The following LAYN variants were observed in gnomAD, a reference collection of about 807,000 sequenced individuals.
The protein encoded by LAYN is layilin.
In LAYN, 38 loss-of-function variants were observed where a neutral mutation model predicts 43.6. The ratio of observed to expected loss-of-function variants is 0.87; its 90% confidence interval spans 0.67 to 1.14. The LOEUF (loss-of-function observed/expected upper bound fraction) is 1.14, where lower values mean the gene tolerates loss of function less well. Ranked by LOEUF, LAYN falls within the 50% of genes most tolerant of loss-of-function variation. The pLI is 0.00. For missense variants in LAYN, 479 were observed against 463.8 expected, an observed-to-expected ratio of 1.03 and a Z score of -0.30; for synonymous variants, 168 against 172.9, an observed-to-expected ratio of 0.97 and a Z score of 0.22.
rs754804458 is a variant in LAYN at position 111,560,150 on chromosome 11, C to T, written c.817C>T (p.Pro273Ser). The change falls in exon 7 of 7, where the codon CCT (proline) becomes TCT (serine). Residue 273 changes from proline to serine, a missense_variant. By Grantham distance (74) the Pro-to-Ser change is moderately conservative. Coordinates refer to ENST00000375614, the MANE Select transcript of LAYN (RefSeq NM_178834.5). ...GAAGCAACACACCATCTGGCCCTCTCCTCACCAGGGAAACAGCCCGGACCT... is the reference window on the plus strand; with the variant it reads ...GAAGCAACACACCATCTGGCCCTCTTCTCACCAGGGAAACAGCCCGGACCT... ...TKKQHTIWPS[P>S]HQGNSPDLEV... 1 of 1,614,208 alleles carries T rather than the reference C, an allele frequency of 6.2e-7. No individual in the cohort carries two copies. Among genetic ancestry groups the T allele is most frequent in the South Asian group, 1.1e-5 (1 of 91,076 alleles).
Position 111,561,334 on chromosome 11 carries a change from TGGG to T in LAYN, c.*877_*879del, listed in dbSNP as rs1402134884. The T allele has an allele frequency of 6.6e-6, 1 of 152,252 alleles. No individual in the cohort carries two copies. Among genetic ancestry groups the T allele is most frequent in the Non-Finnish European group, 1.5e-5 (1 of 68,040 alleles). The allele number at this position is 152,252 out of a possible 1,614,324, so 9.4% of individuals were successfully genotyped here. A position where few individuals can be genotyped will look rare whatever the true frequency, so the allele number is the denominator to read the frequency against. On this transcript the variant is annotated 3_prime_UTR_variant, in exon 7 of 7. Coordinates refer to ENST00000375614, the MANE Select transcript of LAYN (RefSeq NM_178834.5). ...AGGATCACGCCACTGCTCTCCTGCG[TGGG>T]CAACAGAATGAGACCCTGTCTCTAA...
chr11:111,547,226 C>G (rs143474036), intron 2 of LAYN, among the ~76,000 whole-genome samples: 20 of 152,322 alleles, frequency 1.3e-4, no homozygotes, highest in Non-Finnish European at 2.5e-4. Context: ...CTGGTATTCC[C>G]TAGATCACTA....
intron 2 of LAYN, 106 bp downstream of exon 2, chr11:111,544,326 C>G: frequency 1.8e-6 from 2 of 1,115,118 alleles, no homozygotes; most frequent in Non-Finnish European, 2.5e-6. Flanking sequence ...ACCAACCAGG[C>G]AGATCTCTGA....
intron 2 of LAYN, among the ~76,000 whole-genome samples, chr11:111,546,059 T>C (rs1239025073): frequency 6.6e-6 from 1 of 152,006 alleles, no homozygotes; most frequent in Non-Finnish European, 1.5e-5. Flanking sequence ...TCTCTGCCAC[T>C]ACCTATTAGT....
intron 6 of LAYN, among the ~76,000 whole-genome samples, chr11:111,558,854 C>T (rs1304426709): frequency 1.3e-5 from 2 of 151,384 alleles, no homozygotes; most frequent in Admixed American, 6.6e-5. Context: ...ATGGCGCAAT[C>T]TCGGCTCACT....
intron 3 of LAYN, among the ~76,000 whole-genome samples, chr11:111,550,913 C>T (rs541661315): frequency 6.6e-6 from 1 of 152,276 alleles, no homozygotes; most frequent in South Asian, 2.1e-4. Flanking sequence ...TTATTTTGGA[C>T]TTGGCACCTT....
upstream of LAYN, chr11:111,540,503 C>CCCA: frequency 2.6e-6 from 1 of 388,172 alleles, no homozygotes; most frequent in Non-Finnish European, 4.7e-6. Flanking sequence ...CCCAGCGCCT[C>CCCA]GGGCAAACGC....
intron 3 of LAYN, 53 bp from the exon 4 acceptor site, chr11:111,554,508 A>G: frequency 7.2e-7 from 1 of 1,379,326 alleles, no homozygotes; most frequent in Non-Finnish European, 1.0e-6. Flanking sequence ...GATTTCATTC[A>G]GATGCCATAA....
intron 1 of LAYN, among the ~76,000 whole-genome samples, chr11:111,541,761 G>A (rs1867544632): frequency 6.6e-6 from 1 of 152,156 alleles, no homozygotes; most frequent in Non-Finnish European, 1.5e-5. Flanking sequence ...TTTAAAGAAT[G>A]TAAAGTTGGT....
intron 1 of LAYN, chr11:111,541,658 C>A (rs117134558): frequency 0.019 from 27,567 of 1,415,520 alleles, 339 homozygotes; most frequent in Middle Eastern, 0.033. Context: ...GCCCTTTTCT[C>A]AGATCCTTTT....
chr11:111,543,776 C>T (rs1867590862), intron 1 of LAYN, 147 bp from the exon 2 acceptor site: 1 of 656,638 alleles, frequency 1.5e-6, no homozygotes, highest in Non-Finnish European at 2.6e-6. Context: ...TTAATTTGCT[C>T]TGAGAACCCC....
chr11:111,552,265 T>C (rs1867758409), intron 3 of LAYN, among the ~76,000 whole-genome samples: 1 of 152,210 alleles, frequency 6.6e-6, no homozygotes, highest in African/African-American at 2.4e-5. Context: ...AAAGCTAGGT[T>C]TGGTGTCTCT....
chr11:111,560,431 G>T lies in LAYN; in HGVS notation c.1098G>T (p.Trp366Cys). 6.2e-7 allele frequency: 1 copy of T among 1,613,518 alleles called. No individual in the cohort carries two copies. Among genetic ancestry groups the T allele is most frequent in the Non-Finnish European group, 8.5e-7 (1 of 1,179,646 alleles). ...TGGGGAGGAGTAAGGAGTCTGGATG[G>T]GTGGAAAATGAAATATATGGTTATT... is the stretch of plus-strand genomic sequence containing the variant. Reference protein sequence around the residue: ...DQMGRSKESGWVENEIYGY With the variant: ...DQMGRSKESGCVENEIYGY The change falls in exon 7 of 7, where the codon TGG (tryptophan) becomes TGT (cysteine). Residue 366 changes from tryptophan to cysteine, a missense_variant. Coordinates refer to ENST00000375614, the MANE Select transcript of LAYN (RefSeq NM_178834.5).
chr11:111,548,831 G>A (rs909528603), intron 2 of LAYN, among the ~76,000 whole-genome samples: 3 of 152,152 alleles, frequency 2.0e-5, no homozygotes, highest in Non-Finnish European at 4.4e-5. Flanking sequence ...CAGCACATGG[G>A]GTGGGTACTC....
chr11:111,540,955 T>A, intron 1 of LAYN, 27 bp downstream of exon 1: 1 of 1,498,036 alleles, frequency 6.7e-7, no homozygotes. Flanking sequence ...GGGCGGGGGC[T>A]GGTGCCGGGG....
chr11:111,545,591 G>C (rs1470313728), intron 2 of LAYN, among the ~76,000 whole-genome samples: 1 of 152,056 alleles, frequency 6.6e-6, no homozygotes, highest in African/African-American at 2.4e-5. Flanking sequence ...TTCTCTGCTG[G>C]TCCCTGGACA....
intron 6 of LAYN, among the ~76,000 whole-genome samples, chr11:111,558,783 A>AAAATATAT (rs386374901): frequency 1.4e-5 from 2 of 143,134 alleles, no homozygotes; most frequent in African/African-American, 5.3e-5. Context: ...TATTTAAAAA[A>AAAATATAT]ATATATATAT....
At chr11:111,540,531 C>G (rs1867508785), upstream of LAYN, 1 of 437,086 alleles carries the variant, frequency 2.3e-6, no homozygotes, top group South Asian at 3.3e-5. Flanking sequence ...CCCAGGGAAG[C>G]TCGGAGGGGG....
chr11:111,551,460 C>T (rs1236745518), intron 3 of LAYN: 18 of 455,702 alleles, frequency 3.9e-5, no homozygotes, highest in Non-Finnish European at 7.5e-5. Flanking sequence ...TGGAGAAAAA[C>T]TAACACACTG....
Sources: allele counts gnomAD v4.1 joint callset (sites outside exome capture counted in the v4.1 genomes callset), GRCh38; gene constraint gnomAD v4.1.1; transcripts MANE v1.5; gene names NCBI Gene and HGNC (gene_info 2026-07-23, HGNC 2026-07-21).